Variants in TFDP2 observed in about 807,000 individuals in gnomAD.
TFDP2 encodes transcription factor Dp-2, also known as transcription factor Dp-2 (E2F dimerization partner 2).
Under a neutral mutation model 59.3 loss-of-function variants are expected in TFDP2, and 17 were observed. The ratio of observed to expected loss-of-function variants is 0.29; its 90% CI spans 0.20 to 0.43. The LOEUF (loss-of-function observed/expected upper bound fraction) is 0.43, where lower values mean the gene tolerates loss of function less well. Ranked by LOEUF, TFDP2 falls within the 20% of genes least tolerant of loss-of-function variation. The pLI, the probability that TFDP2 is intolerant of heterozygous loss-of-function variation, is 1.00. For missense variants in TFDP2, 391 were observed against 528.8 expected (o/e 0.74, Z 2.56); for synonymous variants, 180 against 194.7 (o/e 0.92, Z 0.63).
At chr3:142,081,527 A>C (rs1044722017) in intron 3 of TFDP2, among the ~76,000 whole-genome samples, 1 of 152,184 alleles carries the variant, frequency 6.6e-6, no homozygotes, top group Admixed American at 6.5e-5. Context: ...GAAACAATGC[A>C]AAAGATCAAT....
intron 3 of TFDP2, among the ~76,000 whole-genome samples, chr3:142,070,584 G>C (rs947518454): frequency 6.6e-6 from 1 of 152,216 alleles, no homozygotes; most frequent in African/African-American, 2.4e-5. Context: ...CCAGCCCTCA[G>C]TGTAATTTTA....
intron 3 of TFDP2, among the ~76,000 whole-genome samples, chr3:142,086,351 T>C (rs1211182156): frequency 2.6e-5 from 4 of 152,292 alleles, no homozygotes; most frequent in African/African-American, 7.2e-5. Context: ...GCCATAATAC[T>C]GTCCCCCACT....
At chr3:141,954,082 C>T (rs1029055854) in intron 11 of TFDP2, among the ~76,000 whole-genome samples, 4 of 151,932 alleles carry the variant, frequency 2.6e-5, no homozygotes, top group South Asian at 2.1e-4. Context: ...ATCACTTGAA[C>T]CCGGGAGGCG....
intron 3 of TFDP2, chr3:142,028,719 A>C: frequency 6.1e-6 from 6 of 985,400 alleles, no homozygotes; most frequent in Non-Finnish European, 7.2e-6. Flanking sequence ...TCTCAGTAAA[A>C]CTAAAAAGAT....
intron 3 of TFDP2, among the ~76,000 whole-genome samples, chr3:142,023,008 T>G (rs1291577152): frequency 6.7e-6 from 1 of 150,182 alleles, no homozygotes; most frequent in Non-Finnish European, 1.5e-5. Context: ...TAGTCCCAGC[T>G]ACTCAGGAGG....
chr3:141,969,024 C>CATAT lies in TFDP2; in HGVS notation c.732+1045_732+1048dup, dbSNP rs1345857668. Among the ~76,000 whole-genome samples the CATAT allele has an allele frequency of 3.9e-3, 312 of 80,140 alleles. 49 individuals are homozygous for CATAT. The highest frequency in any genetic ancestry group is 7.0e-3 in the African/African-American group (158 of 22,486). The allele number at this position is 80,140 out of a possible 152,430, so 52.6% of individuals were successfully genotyped here. ...CTCATATATATAGATATATATATAA[C>CATAT]ATATATCTCATATATAGATATATAT... On this transcript the variant is annotated intron_variant, in intron 9 of 12. Transcript: ENST00000489671.
intron 1 of TFDP2, among the ~76,000 whole-genome samples, chr3:142,118,423 A>G (rs972694130): frequency 3.3e-5 from 5 of 152,354 alleles, no homozygotes; most frequent in Middle Eastern, 3.4e-3. Flanking sequence ...CTGTAACACA[A>G]TCCTCTGAAC....
intron 7 of TFDP2, among the ~76,000 whole-genome samples, chr3:141,977,706 C>T (rs1382765314): frequency 1.2e-4 from 18 of 150,766 alleles, no homozygotes; most frequent in Admixed American, 7.9e-4. Flanking sequence ...ATTGGATAGG[C>T]GACCAATTTT....
At chr3:142,012,173 C>T (rs528826417) in intron 3 of TFDP2, among the ~76,000 whole-genome samples, 8 of 151,964 alleles carry the variant, frequency 5.3e-5, no homozygotes, top group African/African-American at 9.6e-5. Flanking sequence ...CCACCACACC[C>T]GGCTAATTTT....
intron 3 of TFDP2, among the ~76,000 whole-genome samples, chr3:142,060,466 T>C (rs1288738098): frequency 2.6e-5 from 4 of 152,200 alleles, no homozygotes; most frequent in East Asian, 1.9e-4. Flanking sequence ...TCAACAAATA[T>C]ACAGTGAGCT....
At chr3:141,957,514 G>A (rs1243170742) in intron 11 of TFDP2, among the ~76,000 whole-genome samples, 1 of 152,022 alleles carries the variant, frequency 6.6e-6, no homozygotes, top group East Asian at 1.9e-4. Context: ...ACTTTTATAA[G>A]AATGTTAACA....
At chr3:141,975,563 G>A (rs1057398148) in intron 7 of TFDP2, among the ~76,000 whole-genome samples, 2 of 151,844 alleles carry the variant, frequency 1.3e-5, no homozygotes, top group Non-Finnish European at 2.9e-5. Context: ...GCGTGGTGGC[G>A]CATGACTGTA....
chr3:141,968,323 C>T (rs1241413115), intron 9 of TFDP2, among the ~76,000 whole-genome samples: 3 of 118,424 alleles, frequency 2.5e-5, no homozygotes, highest in African/African-American at 9.9e-5. Context: ...CTATATATAA[C>T]ATATAATATA....
intron 3 of TFDP2, among the ~76,000 whole-genome samples, chr3:142,034,252 C>T (rs1162912091): frequency 2.0e-5 from 3 of 151,908 alleles, no homozygotes; most frequent in African/African-American, 2.4e-5. Context: ...TGCGCCACCA[C>T]GCCTGGCTAA....
At chr3:142,073,439 C>A (rs1401212113) in intron 3 of TFDP2, among the ~76,000 whole-genome samples, 3 of 76,958 alleles carry the variant, frequency 3.9e-5, no homozygotes, top group African/African-American at 4.0e-5. Flanking sequence ...GTGTTAAATG[C>A]TTAAAAACAA....
At chr3:142,005,639 G>A in intron 3 of TFDP2, 95 bp from the exon 4 acceptor site, 12 of 743,484 alleles carry the variant, frequency 1.6e-5, no homozygotes, top group South Asian at 6.5e-5. Flanking sequence ...ATTATGTTGA[G>A]GTAATTTATA....
At chr3:141,967,743 G>C (rs1938349829) in intron 9 of TFDP2, among the ~76,000 whole-genome samples, 2 of 152,246 alleles carry the variant, frequency 1.3e-5, no homozygotes, top group South Asian at 2.1e-4. Context: ...TATTTGGTTT[G>C]AGAGACAGTA....
chr3:142,000,175 T>G (rs1943645699), intron 4 of TFDP2: 1 of 658,966 alleles, frequency 1.5e-6, no homozygotes, highest in Admixed American at 2.1e-5. Flanking sequence ...ACTGGGTAAT[T>G]AATTAATTTT....
rs979249651 is a variant in TFDP2, at chr3:141,950,236, T to C, written c.*2277A>G. 6.6e-6 allele frequency: 1 copy of C among 152,076 alleles called. No individual in the cohort carries two copies. Among genetic ancestry groups the C allele is most frequent in the African/African-American group, 2.4e-5 (1 of 41,400 alleles). 9.4% of individuals were successfully genotyped at this position (152,076 alleles called of 1,614,324 possible). ...ACCTTTCTGAACAGCTCAACCTAGTTTCTAAAGGCAAGATTTTACTCCAGC... is the reference window on the plus strand; with the variant it reads ...ACCTTTCTGAACAGCTCAACCTAGTCTCTAAAGGCAAGATTTTACTCCAGC... On this transcript the variant is annotated 3_prime_UTR_variant, in exon 13 of 13. Coordinates refer to ENST00000489671, the MANE Select transcript of TFDP2 (RefSeq NM_001178139.2).
Sources: gnomAD v4.1 joint callset for allele counts (sites outside exome capture counted in the v4.1 genomes callset) on GRCh38, gnomAD v4.1.1 for gene constraint, MANE v1.5 for transcripts, NCBI Gene and HGNC (gene_info 2026-07-23, HGNC 2026-07-21) for gene names.